Variants in ITPKB observed in about 807,000 individuals in gnomAD.
ITPKB encodes IP3 3-kinase B.
Under a neutral mutation model 69.4 loss-of-function variants are expected in ITPKB, and 13 were observed. That is an observed-to-expected ratio of 0.19 (90% CI 0.12 to 0.30). The LOEUF (loss-of-function observed/expected upper bound fraction) is 0.30, where lower values mean the gene tolerates loss of function less well. ITPKB is among the 10% of genes least tolerant of loss of function. The pLI is 1.00. For synonymous variants in ITPKB, 584 were observed against 513.7 expected, an observed-to-expected ratio of 1.14 and a Z score of -1.85; for missense variants, 1,240 against 1,250.5, an observed-to-expected ratio of 0.99 and a Z score of 0.13.
intron 3 of ITPKB, among the ~76,000 whole-genome samples, chr1:226,648,457 G>T (rs1669106481): frequency 8.9e-5 from 1 of 11,198 alleles, no homozygotes; most frequent in Non-Finnish European, 1.3e-4. Context: ...GCATGTTTTG[G>T]AGGATGGGGT....
intron 2 of ITPKB, among the ~76,000 whole-genome samples, chr1:226,677,686 G>A (rs1409541260): frequency 6.6e-6 from 1 of 152,222 alleles, no homozygotes; most frequent in Non-Finnish European, 1.5e-5. Context: ...AAACTGACGG[G>A]AAAGGTGGAG....
intron 2 of ITPKB, chr1:226,659,817 G>A (rs1459767766): frequency 6.6e-6 from 1 of 152,146 alleles, no homozygotes; most frequent in East Asian, 2.0e-4. Flanking sequence ...AGGCTCCTGG[G>A]GAACTGGGGA....
chr1:226,645,302 C>CTG (rs1462873566), intron 4 of ITPKB, among the ~76,000 whole-genome samples: 2 of 152,206 alleles, frequency 1.3e-5, no homozygotes. Flanking sequence ...CCTCTTCCCT[C>CTG]TGCCTGCCAA....
At position 226,652,026 on chromosome 1, in the gene ITPKB, G is replaced by A. The variant is rs563372540; in HGVS notation, c.1933-3255C>T. Among the ~76,000 whole-genome samples, 3 of 152,360 alleles carry A rather than the reference G, an allele frequency of 2.0e-5. No homozygotes were observed. In the East Asian group the frequency reaches 5.8e-4, roughly 29 times the overall value. On this transcript the variant is annotated intron_variant, in intron 2 of 7. Transcript: ENST00000429204. ...CCACTTGTGAGAATGCCATGCACTT[G>A]CACTGGAGACCTCTTTTCTCTCTGC...
chr1:226,648,949 T>C lies in ITPKB; in HGVS notation c.1933-178A>G, dbSNP rs937685113. 3.3e-5 allele frequency among the ~76,000 whole-genome samples: 5 copies of C among 152,180 alleles called. 1 individual carries two copies. In the East Asian group the frequency reaches 9.6e-4, roughly 29 times the overall value. On this transcript the variant is annotated intron_variant, in intron 2 of 7. Coordinates refer to ENST00000429204, the MANE Select transcript of ITPKB (RefSeq NM_002221.4). ...TGCGGCACATGGTGGGAGGTGGCTT[T>C]ACCCCATTTAACAAACAGCCTGAGC...
At chr1:226,705,960 C>T (rs542772207) in intron 2 of ITPKB, among the ~76,000 whole-genome samples, 1 of 152,318 alleles carries the variant, frequency 6.6e-6, no homozygotes, top group African/African-American at 2.4e-5. Context: ...TCCCAAGCAC[C>T]CATATGTTCA....
At chr1:226,711,142 C>T (rs1656938568) in intron 2 of ITPKB, among the ~76,000 whole-genome samples, 1 of 152,072 alleles carries the variant, frequency 6.6e-6, no homozygotes, top group South Asian at 2.1e-4. Context: ...CTCCAATTAA[C>T]TGAGGGTGCT....
At chr1:226,692,765 A>T (rs182454885) in intron 2 of ITPKB, among the ~76,000 whole-genome samples, 48 of 152,328 alleles carry the variant, frequency 3.2e-4, no homozygotes, top group Non-Finnish European at 6.3e-4. Context: ...TCAAATGTAG[A>T]ATTGTTAGTG....
intron 2 of ITPKB, among the ~76,000 whole-genome samples, chr1:226,654,776 C>G (rs1352518666): frequency 6.6e-6 from 1 of 152,234 alleles, no homozygotes; most frequent in Non-Finnish European, 1.5e-5. Flanking sequence ...ATCAGGCATC[C>G]TCAGTCATGC....
chr1:226,731,226 A>G (rs1657580149), intron 2 of ITPKB, among the ~76,000 whole-genome samples: 2 of 152,222 alleles, frequency 1.3e-5, no homozygotes, highest in South Asian at 4.1e-4. Flanking sequence ...TTTTAAACAG[A>G]ATGAATCTTT....
intron 2 of ITPKB, among the ~76,000 whole-genome samples, chr1:226,701,445 A>T (rs1401579754): frequency 6.6e-6 from 1 of 151,460 alleles, no homozygotes; most frequent in African/African-American, 2.4e-5. Context: ...TCTACTAAAA[A>T]TACAAAAAAT....
intron 2 of ITPKB, among the ~76,000 whole-genome samples, chr1:226,649,395 A>AGT (rs370040865): frequency 4.3e-5 from 6 of 138,140 alleles, no homozygotes; most frequent in African/African-American, 1.7e-4. Context: ...TGTGTGCATG[A>AGT]GTGTGTGTGC....
At chr1:226,700,512 C>A (rs570538017) in intron 2 of ITPKB, among the ~76,000 whole-genome samples, 1 of 142,668 alleles carries the variant, frequency 7.0e-6, no homozygotes, top group East Asian at 2.1e-4. Context: ...AACTTTGCAA[C>A]CTTAAATCCA....
chr1:226,635,755 T>C (rs574580854), intron 7 of ITPKB, among the ~76,000 whole-genome samples: 1 of 152,318 alleles, frequency 6.6e-6, no homozygotes, highest in East Asian at 1.9e-4. Flanking sequence ...GCAGACCCTA[T>C]AGGGCCTTCC....
Position 226,737,337 on chromosome 1 carries a change from A to T in ITPKB, c.122T>A (p.Val41Glu). Residue 41 changes from valine to glutamate, a missense_variant, in exon 2 of 8, where the codon GTG becomes GAG. This residue lies in a region of ITPKB where 992 missense variants were observed against 853.8 expected (regional missense o/e 1.16). Transcript: ENST00000429204. The part of the protein sequence containing the change: ...SETPPPPRRA[V>E]LSPGSVFSPG... Reference sequence around the variant, plus strand: ...GCTGAAAACGCTGCCGGGGCTCAGCACTGCCCTCCTCGGGGGCGGGGGCGT... The same window carrying T: ...GCTGAAAACGCTGCCGGGGCTCAGCTCTGCCCTCCTCGGGGGCGGGGGCGT... 6.2e-7 allele frequency: 1 copy of T among 1,601,728 alleles called. No individual in the cohort carries two copies. Among genetic ancestry groups the T allele is most frequent in the East Asian group, 2.2e-5 (1 of 44,694 alleles).
intron 2 of ITPKB, among the ~76,000 whole-genome samples, chr1:226,689,365 G>T (rs2102779503): frequency 6.6e-6 from 1 of 152,316 alleles, no homozygotes. Flanking sequence ...AGCAGCCTTT[G>T]TTTCCCAGAG....
chr1:226,734,334 G>A (rs1004968552), intron 2 of ITPKB, among the ~76,000 whole-genome samples: 2 of 152,226 alleles, frequency 1.3e-5, no homozygotes, highest in African/African-American at 2.4e-5. Flanking sequence ...ACTGTGATTC[G>A]TGAATAGGGA....
At chr1:226,719,678 C>A (rs889381562) in intron 2 of ITPKB, among the ~76,000 whole-genome samples, 1 of 152,224 alleles carries the variant, frequency 6.6e-6, no homozygotes, top group Non-Finnish European at 1.5e-5. Context: ...ACAGCTTGTA[C>A]CTGTTGGACT....
At position 226,735,692 on chromosome 1, in the gene ITPKB, A is replaced by G; in HGVS notation, c.1767T>C (p.Pro589=). ...DGALEETQGS[P]RGNLPLRKLS... ...GTTTCCTCAGGGGCAGGTTGCCCCGAGGGCTTCCCTGCGTCTCCTCCAAGG... is the reference window on the plus strand; with the variant it reads ...GTTTCCTCAGGGGCAGGTTGCCCCGGGGGCTTCCCTGCGTCTCCTCCAAGG... Residue 589 remains proline, a synonymous_variant, in exon 2 of 8, where the codon CCT becomes CCC. Coordinates refer to ENST00000429204, the MANE Select transcript of ITPKB (RefSeq NM_002221.4). 6.2e-7 allele frequency: 1 copy of G among 1,600,832 alleles called. No homozygotes were observed. The highest frequency in any genetic ancestry group is 2.2e-5 in the East Asian group (1 of 44,680).
Sources: allele counts gnomAD v4.1 joint callset (sites outside exome capture counted in the v4.1 genomes callset), GRCh38; gene constraint gnomAD v4.1.1; regional missense constraint gnomAD v4.1.1; transcripts MANE v1.5; gene names NCBI Gene and HGNC (gene_info 2026-07-23, HGNC 2026-07-21).